Variants in FAF1 observed in about 807,000 individuals in gnomAD.
The protein encoded by FAF1 is FAS-associated factor 1.
In FAF1, 25 loss-of-function variants were observed where a neutral mutation model predicts 92.5. The ratio of observed to expected loss-of-function variants is 0.27; its 90% CI spans 0.20 to 0.38. The LOEUF is 0.38. Ranked by LOEUF, FAF1 falls within the 10% of genes least tolerant of loss-of-function variation. FAF1 has a pLI of 1.00. For missense variants in FAF1, 636 were observed against 793.3 expected (o/e 0.80, Z 2.38); for synonymous variants, 234 against 273.2 (o/e 0.86, Z 1.42).
At chr1:50,871,266 C>T (rs1644525818) in intron 1 of FAF1, among the ~76,000 whole-genome samples, 2 of 152,192 alleles carry the variant, frequency 1.3e-5, no homozygotes, top group African/African-American at 4.8e-5. Flanking sequence ...GCAGCAAGTG[C>T]TGATGTAGAA....
At chr1:50,934,812 T>A (rs1374093959) in intron 1 of FAF1, among the ~76,000 whole-genome samples, 2 of 152,248 alleles carry the variant, frequency 1.3e-5, no homozygotes, top group South Asian at 2.1e-4. Context: ...CTAGTTGATT[T>A]TTTTTCTTTC....
chr1:50,563,991 T>C (rs1020933568), intron 13 of FAF1, among the ~76,000 whole-genome samples: 2 of 152,192 alleles, frequency 1.3e-5, no homozygotes, highest in African/African-American at 4.8e-5. Flanking sequence ...TTAGAGAAAT[T>C]AGGAAATTTA....
At chr1:50,537,074 T>C (rs1159905097) in intron 14 of FAF1, among the ~76,000 whole-genome samples, 12 of 152,168 alleles carry the variant, frequency 7.9e-5, no homozygotes, top group Non-Finnish European at 1.5e-5. Context: ...ATTATAGGTA[T>C]GTGCCACCAC....
chr1:50,802,509 T>G (rs980235216), intron 2 of FAF1, among the ~76,000 whole-genome samples: 5 of 152,056 alleles, frequency 3.3e-5, no homozygotes, highest in Admixed American at 2.6e-4. Context: ...AGAGGAGAGG[T>G]TTCCTTATAT....
At chr1:50,668,829 T>C (rs1480182976) in intron 7 of FAF1, among the ~76,000 whole-genome samples, 2 of 152,154 alleles carry the variant, frequency 1.3e-5, no homozygotes, top group Non-Finnish European at 2.9e-5. Flanking sequence ...TAATGTATTA[T>C]TAAGATCAGG....
chr1:50,871,881 C>T (rs902762643), intron 1 of FAF1, among the ~76,000 whole-genome samples: 23 of 151,848 alleles, frequency 1.5e-4, no homozygotes, highest in African/African-American at 4.4e-4. Flanking sequence ...CTGGCTAACA[C>T]GGTGAAACCC....
intron 1 of FAF1, among the ~76,000 whole-genome samples, chr1:50,882,985 C>CAAA (rs536859878): frequency 3.0e-5 from 2 of 67,272 alleles, no homozygotes; most frequent in South Asian, 4.8e-4. Flanking sequence ...CTCTTGTCTC[C>CAAA]AAAAAAAAAA....
intron 7 of FAF1, among the ~76,000 whole-genome samples, chr1:50,677,126 C>G (rs1656157151): frequency 6.6e-6 from 1 of 151,808 alleles, no homozygotes; most frequent in Non-Finnish European, 1.5e-5. Context: ...TAAGATAAAC[C>G]CATACACAAA....
intron 1 of FAF1, among the ~76,000 whole-genome samples, chr1:50,950,136 G>T (rs1645203154): frequency 6.6e-6 from 1 of 151,986 alleles, no homozygotes; most frequent in Non-Finnish European, 1.5e-5. Flanking sequence ...CACCACACCT[G>T]TCCCAGATCA....
Position 50,728,872 on chromosome 1 carries a change from A to G in FAF1, c.551+9991T>C, listed in dbSNP as rs537912208. Among the ~76,000 whole-genome samples, 210 of 150,436 alleles carry G rather than the reference A, an allele frequency of 1.4e-3. 1 individual carries two copies. Among genetic ancestry groups the G allele is most frequent in the South Asian group, 3.8e-3 (18 of 4,784 alleles). On this transcript the variant is annotated intron_variant, in intron 6 of 18. Coordinates refer to ENST00000396153, the MANE Select transcript of FAF1 (RefSeq NM_007051.3). Reference sequence around the variant, plus strand: ...CTATAATCAAGCTGTAGTTTTATGGAGAGGACTAGTTCATTTACATCTTAG... The same window carrying G: ...CTATAATCAAGCTGTAGTTTTATGGGGAGGACTAGTTCATTTACATCTTAG...
intron 15 of FAF1, among the ~76,000 whole-genome samples, chr1:50,519,260 C>T (rs1038764410): frequency 9.9e-5 from 15 of 151,282 alleles, no homozygotes; most frequent in Admixed American, 4.6e-4. Context: ...AACCAGGAGG[C>T]GGAGGTTGCA....
chr1:50,662,657 AC>A (rs1318144481), intron 7 of FAF1, among the ~76,000 whole-genome samples: 7 of 149,762 alleles, frequency 4.7e-5, no homozygotes, highest in African/African-American at 1.7e-4. Flanking sequence ...ACTAATAATC[AC>A]ACATTTATTA....
At chr1:50,901,537 TA>T (rs1644796148) in intron 1 of FAF1, among the ~76,000 whole-genome samples, 2 of 150,698 alleles carry the variant, frequency 1.3e-5, no homozygotes, top group Non-Finnish European at 3.0e-5. Context: ...TTCTATAAAA[TA>T]AAATTTAAAA....
chr1:50,793,015 C>T (rs1444010222), intron 3 of FAF1, among the ~76,000 whole-genome samples: 2 of 151,764 alleles, frequency 1.3e-5, no homozygotes, highest in South Asian at 2.1e-4. Context: ...TTTTTTATGG[C>T]GGAGTCTCGA....
At chr1:50,625,384 A>C (rs1653452651) in intron 8 of FAF1, among the ~76,000 whole-genome samples, 1 of 152,214 alleles carries the variant, frequency 6.6e-6, no homozygotes, top group South Asian at 2.1e-4. Context: ...GAGAAAAAGA[A>C]TGGTATTCTT....
chr1:50,780,802 A>G, intron 4 of FAF1: 1 of 392,606 alleles, frequency 2.5e-6, no homozygotes, highest in Non-Finnish European at 5.1e-6. Context: ...GGACTTACGG[A>G]GTGAGCAGCC....
At chr1:50,767,938 C>T (rs1660640448) in intron 4 of FAF1, among the ~76,000 whole-genome samples, 1 of 152,202 alleles carries the variant, frequency 6.6e-6, no homozygotes, top group African/African-American at 2.4e-5. Flanking sequence ...ATCAAATCCA[C>T]ACCTATCAAT....
Position 50,952,753 on chromosome 1 carries a change from G to C in FAF1, c.45+7014C>G, listed in dbSNP as rs546622031. ...TGGGAACTGAGGAGCGTCTCTGCCC[G>C]ACCGCCACCCCGTCTGGGAGGTGAG... On this transcript the variant is annotated intron_variant, in intron 1 of 18. Transcript: ENST00000396153. 4.4e-4 allele frequency among the ~76,000 whole-genome samples: 66 copies of C among 150,696 alleles called. 2 individuals are homozygous for C. The South Asian group carries it at 0.013, about 31-fold the overall frequency.
intron 2 of FAF1, among the ~76,000 whole-genome samples, chr1:50,855,502 G>A (rs543057726): frequency 6.1e-4 from 92 of 151,684 alleles, no homozygotes; most frequent in Non-Finnish European, 1.0e-3. Context: ...AATGCAAACT[G>A]TTCTGTAAAC....
Sources: allele counts gnomAD v4.1 joint callset (sites outside exome capture counted in the v4.1 genomes callset), GRCh38; gene constraint gnomAD v4.1.1; transcripts MANE v1.5; gene names NCBI Gene and HGNC (gene_info 2026-07-23, HGNC 2026-07-21).